Variants in CALCR observed in about 807,000 individuals in gnomAD.
CALCR encodes calcitonin receptor.
Under a neutral mutation model 59.5 loss-of-function variants are expected in CALCR, and 47 were observed. The ratio of observed to expected loss-of-function variants is 0.79; its 90% CI spans 0.63 to 1.01. The LOEUF is 1.01. Ranked by LOEUF, CALCR falls within the 50% of genes least tolerant of loss-of-function variation. The probability of loss-of-function intolerance (pLI) is 0.00; values close to 1 mark genes in which losing one functional copy is unlikely to be tolerated. For missense variants in CALCR, 566 were observed against 597.1 expected, an observed-to-expected ratio of 0.95 and a Z score of 0.54; for synonymous variants, 213 against 211.3, an observed-to-expected ratio of 1.01 and a Z score of -0.07.
At chr7:93,433,368 G>C (rs867659717) in intron 13 of CALCR, among the ~76,000 whole-genome samples, 1 of 152,180 alleles carries the variant, frequency 6.6e-6, no homozygotes, top group Non-Finnish European at 1.5e-5. Flanking sequence ...GGCATTAAAA[G>C]TTGTGTGGTC....
intron 2 of CALCR, among the ~76,000 whole-genome samples, chr7:93,487,319 G>A (rs1204352772): frequency 6.6e-6 from 1 of 151,338 alleles, no homozygotes; most frequent in Non-Finnish European, 1.5e-5. Context: ...CAGTTAACAT[G>A]TGTCATTGAT....
rs554255018 is a variant in CALCR at position 93,566,681 on chromosome 7, A to T, written c.-27+7608T>A. The stretch of plus-strand genomic sequence containing the variant: ...TGTAAGTTTTCTGCCCTATTTCCTT[A>T]CCTGTAGAATGGGCTTGATAATATA... On this transcript the variant is annotated intron_variant, in intron 2 of 13. Coordinates refer to ENST00000426151, the MANE Select transcript of CALCR (RefSeq NM_001742.4). Among the ~76,000 whole-genome samples the T allele has an allele frequency of 2.6e-5, 4 of 152,160 alleles. No homozygotes were observed. The East Asian group carries it at 5.8e-4, about 22-fold the overall frequency.
intron 2 of CALCR, among the ~76,000 whole-genome samples, chr7:93,560,125 C>G (rs1563021168): frequency 6.6e-6 from 1 of 152,152 alleles, no homozygotes; most frequent in South Asian, 2.1e-4. Context: ...GGAAAAGAAA[C>G]TGTTTTTCCT....
At chr7:93,472,967 A>G (rs1480770379) in intron 5 of CALCR, among the ~76,000 whole-genome samples, 1 of 151,828 alleles carries the variant, frequency 6.6e-6, no homozygotes, top group Non-Finnish European at 1.5e-5. Context: ...TTTTTGGATC[A>G]AATGTTCAAA....
rs770479251 is a variant in CALCR, at chr7:93,488,582, G to GCAA, written c.-26-1576_-26-1575insTTG. Among the ~76,000 whole-genome samples the GCAA allele has an allele frequency of 5.8e-4, 45 of 78,026 alleles. 5 individuals carry two copies. Among genetic ancestry groups the GCAA allele is most frequent in the Non-Finnish European group, 7.1e-4 (29 of 41,126 alleles). The allele number at this position is 78,026 out of a possible 152,430, so 51.2% of individuals were successfully genotyped here. The stretch of plus-strand genomic sequence containing the variant: ...GGAAAATTTACCAAGCAAATGGAAA[G>GCAA]AAAAAAAAAAAAAAAAAAAGCATGG... On this transcript the variant is annotated intron_variant, in intron 2 of 13. Coordinates refer to ENST00000426151, the MANE Select transcript of CALCR (RefSeq NM_001742.4).
intron 2 of CALCR, among the ~76,000 whole-genome samples, chr7:93,537,789 TC>T (rs978219468): frequency 6.6e-6 from 1 of 151,728 alleles, no homozygotes; most frequent in Admixed American, 6.6e-5. Flanking sequence ...CATTTTAATT[TC>T]CTATAAAAAG....
At position 93,488,582 on chromosome 7, in the gene CALCR, G is replaced by GCAAAAAAAAAAAAAAAAAAAAAAAAA. The variant is rs770479251; in HGVS notation, c.-26-1576_-26-1575insTTTTTTTTTTTTTTTTTTTTTTTTTG. Reference sequence around the variant, plus strand: ...GGAAAATTTACCAAGCAAATGGAAAGAAAAAAAAAAAAAAAAAAAGCATGG... The same window carrying GCAAAAAAAAAAAAAAAAAAAAAAAAA: ...GGAAAATTTACCAAGCAAATGGAAAGCAAAAAAAAAAAAAAAAAAAAAAAAAAAAAAAAAAAAAAAAAAAAGCATGG... On this transcript the variant is annotated intron_variant, in intron 2 of 13. Transcript: ENST00000426151. 5.5e-4 allele frequency among the ~76,000 whole-genome samples: 43 copies of GCAAAAAAAAAAAAAAAAAAAAAAAAA among 78,030 alleles called. 11 individuals carry two copies. The highest frequency in any genetic ancestry group is 1.1e-3 in the South Asian group (2 of 1,872). The allele number at this position is 78,030 out of a possible 152,430, so 51.2% of individuals were successfully genotyped here. A position where few individuals can be genotyped will look rare whatever the true frequency, so the allele number is the denominator to read the frequency against.
intron 2 of CALCR, among the ~76,000 whole-genome samples, chr7:93,547,447 A>G (rs1002103694): frequency 4.6e-5 from 7 of 152,326 alleles, no homozygotes; most frequent in Admixed American, 1.3e-4. Context: ...TGCCTTAAAA[A>G]TTAGAAGCAT....
intron 2 of CALCR, among the ~76,000 whole-genome samples, chr7:93,521,718 T>A (rs1401404633): frequency 6.6e-6 from 1 of 152,196 alleles, no homozygotes; most frequent in African/African-American, 2.4e-5. Flanking sequence ...GAATTAATGA[T>A]ATGAAGATGC....
intron 2 of CALCR, among the ~76,000 whole-genome samples, chr7:93,515,048 A>C (rs1801621269): frequency 6.6e-6 from 1 of 152,068 alleles, no homozygotes. Flanking sequence ...TCTGGATTCA[A>C]ATACATCTTC....
At chr7:93,495,372 GA>G (rs1801176807) in intron 2 of CALCR, among the ~76,000 whole-genome samples, 1 of 151,380 alleles carries the variant, frequency 6.6e-6, no homozygotes, top group South Asian at 2.1e-4. Context: ...ACCTAGAGAA[GA>G]GCCTGGAACA....
intron 8 of CALCR, among the ~76,000 whole-genome samples, chr7:93,448,709 T>C (rs984162225): frequency 2.6e-5 from 4 of 152,020 alleles, no homozygotes; most frequent in South Asian, 2.1e-4. Context: ...GCTTATGTTA[T>C]TAATATTAAA....
At chr7:93,521,182 C>T (rs1212586812) in intron 2 of CALCR, among the ~76,000 whole-genome samples, 1 of 152,082 alleles carries the variant, frequency 6.6e-6, no homozygotes, top group Admixed American at 6.6e-5. Flanking sequence ...GTTCTAGTAC[C>T]TCAGAGTTCC....
At chr7:93,477,956 T>A (rs1800702590) in intron 4 of CALCR, among the ~76,000 whole-genome samples, 1 of 52,774 alleles carries the variant, frequency 1.9e-5, no homozygotes, top group Non-Finnish European at 3.1e-5. Context: ...TGCAAGACCC[T>A]CTCTCAAAAA....
At chr7:93,551,976 T>G (rs1789471106) in intron 2 of CALCR, among the ~76,000 whole-genome samples, 1 of 152,174 alleles carries the variant, frequency 6.6e-6, no homozygotes, top group Admixed American at 6.6e-5. Context: ...GACATTATAT[T>G]GAAATATTTA....
chr7:93,518,223 CAT>C (rs1309605464), intron 2 of CALCR, among the ~76,000 whole-genome samples: 1 of 151,656 alleles, frequency 6.6e-6, no homozygotes, highest in Admixed American at 6.6e-5. Context: ...CACACACACA[CAT>C]ACACACACAC....
intron 13 of CALCR, among the ~76,000 whole-genome samples, chr7:93,428,368 G>A (rs879764170): frequency 2.6e-5 from 4 of 152,248 alleles, no homozygotes; most frequent in Non-Finnish European, 5.9e-5. Context: ...ACCAAGCAGA[G>A]CCTGGCTTTA....
At chr7:93,572,367 A>G (rs1025011155) in intron 2 of CALCR, among the ~76,000 whole-genome samples, 10 of 152,158 alleles carry the variant, frequency 6.6e-5, no homozygotes, top group Non-Finnish European at 1.3e-4. Flanking sequence ...GCATATTACA[A>G]TCACCTAAAG....
At chr7:93,451,479 T>C (rs975601090) in intron 8 of CALCR, among the ~76,000 whole-genome samples, 4 of 151,982 alleles carry the variant, frequency 2.6e-5, no homozygotes, top group Non-Finnish European at 4.4e-5. Flanking sequence ...AGAAAATAAG[T>C]TTTGTCTGAA....
Sources: gnomAD v4.1 joint callset for allele counts (sites outside exome capture counted in the v4.1 genomes callset) on GRCh38, gnomAD v4.1.1 for gene constraint, MANE v1.5 for transcripts, NCBI Gene and HGNC (gene_info 2026-07-23, HGNC 2026-07-21) for gene names.